MALRD1: variants seen among roughly 807,000 people sequenced by gnomAD.
MALRD1 encodes MAM and LDL-receptor class A domain-containing protein 1.
MALRD1 carries 247 observed loss-of-function variants against 242.1 expected under a neutral mutation model. The observed-to-expected ratio is 1.02, with a 90% confidence interval of 0.92 to 1.13. MALRD1 has a LOEUF of 1.13. Ranked by LOEUF, MALRD1 falls within the 50% of genes most tolerant of loss-of-function variation. The probability of loss-of-function intolerance (pLI) is 0.00; values close to 1 mark genes in which losing one functional copy is unlikely to be tolerated. For missense variants in MALRD1, 2,989 were observed against 2,533.1 expected, an observed-to-expected ratio of 1.18 and a Z score of -3.86; for synonymous variants, 995 against 866.6, an observed-to-expected ratio of 1.15 and a Z score of -2.60.
intron 14 of MALRD1, among the ~76,000 whole-genome samples, chr10:19,194,037 T>G (rs959849826): frequency 6.6e-6 from 1 of 150,852 alleles, no homozygotes; most frequent in African/African-American, 2.4e-5. Flanking sequence ...TTAATGTGAT[T>G]ATCTAAAAAA....
intron 33 of MALRD1, among the ~76,000 whole-genome samples, chr10:19,568,079 C>G (rs1483254292): frequency 6.6e-6 from 1 of 152,110 alleles, no homozygotes; most frequent in African/African-American, 2.4e-5. Flanking sequence ...TAAGCTTTTC[C>G]CTTCCCCAGG....
At chr10:19,316,105 T>A (rs1842695253) in intron 21 of MALRD1, among the ~76,000 whole-genome samples, 2 of 150,416 alleles carry the variant, frequency 1.3e-5, no homozygotes, top group African/African-American at 4.9e-5. Flanking sequence ...AACTCCTTAG[T>A]AAATTTAAGT....
At chr10:19,086,892 T>A (rs1173239074) in intron 2 of MALRD1, among the ~76,000 whole-genome samples, 1 of 152,012 alleles carries the variant, frequency 6.6e-6, no homozygotes, top group Non-Finnish European at 1.5e-5. Flanking sequence ...GAGTTTTGTG[T>A]CTGTTCCCAT....
chr10:19,145,472 T>C (rs1481079572), intron 10 of MALRD1, among the ~76,000 whole-genome samples: 2 of 152,040 alleles, frequency 1.3e-5, no homozygotes, highest in East Asian at 3.9e-4. Context: ...AGTGAAACAC[T>C]GTCTCTCCTA....
intron 36 of MALRD1, among the ~76,000 whole-genome samples, chr10:19,620,967 C>T (rs1839374606): frequency 6.6e-6 from 1 of 150,866 alleles, no homozygotes; most frequent in Non-Finnish European, 1.5e-5. Context: ...AAAGAAATTT[C>T]TCTCCAGTTT....
chr10:19,382,100 G>A (rs1455616848), intron 26 of MALRD1, among the ~76,000 whole-genome samples: 1 of 152,124 alleles, frequency 6.6e-6, no homozygotes, highest in Non-Finnish European at 1.5e-5. Context: ...GAATGTGTCT[G>A]TTCTCTTAAA....
intron 28 of MALRD1, among the ~76,000 whole-genome samples, chr10:19,394,512 G>A (rs948947876): frequency 6.6e-6 from 1 of 152,188 alleles, no homozygotes; most frequent in African/African-American, 2.4e-5. Context: ...GTAAAAGACT[G>A]TGGTCATTCT....
At chr10:19,623,249 G>A (rs1839486673) in intron 36 of MALRD1, among the ~76,000 whole-genome samples, 1 of 151,948 alleles carries the variant, frequency 6.6e-6, no homozygotes, top group Non-Finnish European at 1.5e-5. Flanking sequence ...TACTTATGTT[G>A]CATGTATCAG....
In MALRD1 at chr10:19,327,706, G is replaced by A. The variant is rs781592494; in HGVS notation, c.3687+33G>A. ...ATACAGGTAGTTATGGGGTGAGTGA[G>A]TTCTGCTGATTTTTTTCATCCTCAT... On this transcript the variant is annotated intron_variant, in intron 23 of 39. Coordinates refer to ENST00000454679, the MANE Select transcript of MALRD1 (RefSeq NM_001142308.3). The A allele has an allele frequency of 2.7e-6, 4 of 1,473,994 alleles. No individual in the cohort carries two copies. In the South Asian group the frequency reaches 4.9e-5, roughly 18 times the overall value. The allele number at this position is 1,473,994 out of a possible 1,614,324, so 91.3% of individuals were successfully genotyped here. A position where few individuals can be genotyped will look rare whatever the true frequency, so the allele number is the denominator to read the frequency against.
At chr10:19,115,693 T>G (rs2131364198) in intron 5 of MALRD1, among the ~76,000 whole-genome samples, 1 of 152,198 alleles carries the variant, frequency 6.6e-6, no homozygotes, top group African/African-American at 2.4e-5. Context: ...CTGGGCAACA[T>G]GGTGAAACCC....
chr10:19,147,712 A>AG (rs1246868046), intron 11 of MALRD1, among the ~76,000 whole-genome samples: 5 of 152,186 alleles, frequency 3.3e-5, no homozygotes, highest in Admixed American at 3.3e-4. Flanking sequence ...TCGGTTATGA[A>AG]GGATGCTTTA....
intron 4 of MALRD1, among the ~76,000 whole-genome samples, chr10:19,098,708 G>A (rs1257903782): frequency 6.6e-6 from 1 of 152,128 alleles, no homozygotes; most frequent in Non-Finnish European, 1.5e-5. Context: ...GGCTATACCT[G>A]AGGTTCATTG....
At chr10:19,550,883 A>C (rs1835443206) in intron 32 of MALRD1, among the ~76,000 whole-genome samples, 1 of 152,184 alleles carries the variant, frequency 6.6e-6, no homozygotes, top group South Asian at 2.1e-4. Context: ...TTGCTGGTTA[A>C]AATGCTAGTT....
chr10:19,258,067 A>G lies in MALRD1; in HGVS notation c.3079+296A>G, dbSNP rs1229982761. ...ATTCCATTATATTTAAGGAGTTACA[A>G]TAACCAAACCATTTGCCTTATAATT... On this transcript the variant is annotated intron_variant, in intron 19 of 39. Coordinates refer to ENST00000454679, the MANE Select transcript of MALRD1 (RefSeq NM_001142308.3). Among the ~76,000 whole-genome samples the G allele has an allele frequency of 2.6e-5, 4 of 152,146 alleles. No individual in the cohort carries two copies. In the South Asian group the frequency reaches 6.2e-4, roughly 24 times the overall value.
intron 18 of MALRD1, among the ~76,000 whole-genome samples, chr10:19,250,436 G>GT (rs1352147039): frequency 6.6e-6 from 1 of 151,948 alleles, no homozygotes; most frequent in African/African-American, 2.4e-5. Flanking sequence ...TGCGAAGTGG[G>GT]TTACAGGGTA....
intron 36 of MALRD1, among the ~76,000 whole-genome samples, chr10:19,681,364 T>C (rs1022131023): frequency 6.6e-6 from 1 of 152,142 alleles, no homozygotes; most frequent in Non-Finnish European, 1.5e-5. Flanking sequence ...CTTTTTATTC[T>C]TTTTTCTCTC....
At chr10:19,112,338 A>C (rs146983504) in intron 5 of MALRD1, among the ~76,000 whole-genome samples, 90 of 152,120 alleles carry the variant, frequency 5.9e-4, no homozygotes, top group African/African-American at 2.0e-3. Context: ...TGGAGGGAGC[A>C]TCGGAGACAT....
chr10:19,565,582 C>T (rs1191557861), intron 32 of MALRD1, among the ~76,000 whole-genome samples: 1 of 152,048 alleles, frequency 6.6e-6, no homozygotes, highest in African/African-American at 2.4e-5. Context: ...TTAGAAACTT[C>T]ACATCTTTTT....
intron 38 of MALRD1, among the ~76,000 whole-genome samples, chr10:19,729,592 C>CAT (rs1554832229): frequency 1.2e-3 from 166 of 144,314 alleles, no homozygotes; most frequent in African/African-American, 4.1e-3. Context: ...AGGATCCTTT[C>CAT]GTGTGTGTGT....
Sources: allele counts gnomAD v4.1 joint callset (sites outside exome capture counted in the v4.1 genomes callset), GRCh38; gene constraint gnomAD v4.1.1; transcripts MANE v1.5; gene names NCBI Gene and HGNC (gene_info 2026-07-23, HGNC 2026-07-21).